The following PHACTR4 variants were observed in gnomAD, a reference collection of about 807,000 sequenced individuals.
PHACTR4 encodes protein phosphatase 1, regulatory subunit 124.
Under a neutral mutation model 72.7 loss-of-function variants are expected in PHACTR4, and 51 were observed. The observed-to-expected ratio is 0.70, with a 90% CI of 0.56 to 0.89. The LOEUF is 0.89. Ranked by LOEUF, PHACTR4 falls within the 40% of genes least tolerant of loss-of-function variation. The probability of loss-of-function intolerance (pLI) is 0.00; values close to 1 mark genes in which losing one functional copy is unlikely to be tolerated. For synonymous variants in PHACTR4, 255 were observed against 302.5 expected (o/e 0.84, Z 1.63); for missense variants, 731 against 861.8 (o/e 0.85, Z 1.90).
At chr1:28,496,363 G>GT (rs1186714182) in intron 13 of PHACTR4, among the ~76,000 whole-genome samples, 171 bp from the exon 14 acceptor site, 1 of 152,006 alleles carries the variant, frequency 6.6e-6, no homozygotes, top group Non-Finnish European at 1.5e-5. Flanking sequence ...GCCGAGAAGA[G>GT]TTTTAAGAAG....
chr1:28,370,094 C>T (rs1454842797), intron 1 of PHACTR4, among the ~76,000 whole-genome samples: 2 of 151,964 alleles, frequency 1.3e-5, no homozygotes, highest in Non-Finnish European at 2.9e-5. Context: ...CTTGGCTGGG[C>T]CCTTTTGTCT....
In PHACTR4 at chr1:28,474,105, C is replaced by A. The variant is rs1229332291; in HGVS notation, c.1375C>A (p.Leu459Met). Residue 459 changes from leucine to methionine, a missense_variant, in exon 7 of 14, where the codon CTG (leucine) becomes ATG (methionine). Transcript: ENST00000373839. Reference protein sequence around the residue: ...SDSFSEDSSTLGRTRSLPITI... With the variant: ...SDSFSEDSSTMGRTRSLPITI... ...CAGCTTTTCTGAGGACAGCAGTACGCTGGGTCGGACCAGGTCTCTTCCCAT... is the reference window on the plus strand; with the variant it reads ...CAGCTTTTCTGAGGACAGCAGTACGATGGGTCGGACCAGGTCTCTTCCCAT... The A allele has an allele frequency of 1.2e-6, 2 of 1,614,116 alleles. No individual in the cohort carries two copies. The highest frequency in any genetic ancestry group is 1.7e-6 in the Non-Finnish European group (2 of 1,179,978).
intron 2 of PHACTR4, among the ~76,000 whole-genome samples, chr1:28,421,283 C>T (rs1655491575): frequency 6.6e-6 from 1 of 152,120 alleles, no homozygotes; most frequent in South Asian, 2.1e-4. Flanking sequence ...TACACACTCA[C>T]ATGTTATAAT....
chr1:28,411,120 C>T (rs1654759324), intron 2 of PHACTR4, among the ~76,000 whole-genome samples: 1 of 148,344 alleles, frequency 6.7e-6, no homozygotes, highest in East Asian at 2.0e-4. Flanking sequence ...GATCTCGGCT[C>T]ACTGCAACCT....
chr1:28,460,465 T>C (rs1378732587), intron 4 of PHACTR4, among the ~76,000 whole-genome samples, 173 bp downstream of exon 4: 1 of 152,128 alleles, frequency 6.6e-6, no homozygotes, highest in Non-Finnish European at 1.5e-5. Flanking sequence ...ATTCCTTTCC[T>C]CTGTGTACAT....
At chr1:28,392,518 T>G (rs906622393) in intron 1 of PHACTR4, among the ~76,000 whole-genome samples, 2 of 151,694 alleles carry the variant, frequency 1.3e-5, no homozygotes, top group Non-Finnish European at 2.9e-5. Flanking sequence ...TCCTTGCACC[T>G]CAGCCTCCAG....
At chr1:28,468,639 A>G (rs1421766537) in intron 6 of PHACTR4, among the ~76,000 whole-genome samples, 1 of 152,192 alleles carries the variant, frequency 6.6e-6, no homozygotes, top group Admixed American at 6.6e-5. Context: ...GAAACTGAAC[A>G]TAGGCTTTTC....
At chr1:28,438,118 C>G (rs528869689) in intron 2 of PHACTR4, 106 of 1,112,328 alleles carry the variant, frequency 9.5e-5, no homozygotes, top group Admixed American at 1.5e-4. Context: ...TGCACTTCAG[C>G]TCTACACAGT....
At chr1:28,373,835 C>CT (rs747905490) in intron 1 of PHACTR4, among the ~76,000 whole-genome samples, 1 of 152,176 alleles carries the variant, frequency 6.6e-6, no homozygotes, top group Non-Finnish European at 1.5e-5. Flanking sequence ...AGCCTAGCCT[C>CT]TAAAATGTTG....
At chr1:28,491,863 A>G in intron 12 of PHACTR4, 76 bp downstream of exon 12, 4 of 1,490,602 alleles carry the variant, frequency 2.7e-6, no homozygotes, top group South Asian at 1.3e-5. Flanking sequence ...GATACTAACT[A>G]GAAGGGAGAA....
Position 28,476,147 on chromosome 1 carries a change from A to G in PHACTR4, c.1462A>G (p.Thr488Ala), listed in dbSNP as rs200884078. 5.3e-5 allele frequency: 86 copies of G among 1,613,492 alleles called. No homozygotes were observed. The highest frequency in any genetic ancestry group is 2.1e-5 in the Non-Finnish European group (25 of 1,179,876). ...EEEEEQTCPS[T>A]FSEEMTPTSV... ...AGAAGAGGAGCAAACCTGTCCATCC[A>G]CATTCAGTGAAGAAATGACACCTAC... The change falls in exon 8 of 14, where the codon ACA becomes GCA. Residue 488 changes from threonine (T) to alanine (A), a missense_variant. Thr to Ala is a moderately conservative substitution (Grantham distance 58). Transcript: ENST00000373839.
chr1:28,419,872 C>CT (rs1655398220), intron 2 of PHACTR4, among the ~76,000 whole-genome samples: 1 of 152,180 alleles, frequency 6.6e-6, no homozygotes, highest in Non-Finnish European at 1.5e-5. Flanking sequence ...CTTTGACCAC[C>CT]TTTGTCTAGT....
chr1:28,435,020 C>A (rs1214591288), intron 2 of PHACTR4, among the ~76,000 whole-genome samples: 1 of 152,084 alleles, frequency 6.6e-6, no homozygotes, highest in South Asian at 2.1e-4. Context: ...TTTGAACTTA[C>A]CCAAATATTC....
chr1:28,439,425 G>C (rs535884525), intron 2 of PHACTR4, among the ~76,000 whole-genome samples: 4 of 152,156 alleles, frequency 2.6e-5, no homozygotes, highest in African/African-American at 9.6e-5. Flanking sequence ...ATTTTCACCT[G>C]AGAGCTTCCT....
At chr1:28,419,176 G>T (rs1319122904) in intron 2 of PHACTR4, among the ~76,000 whole-genome samples, 1 of 150,590 alleles carries the variant, frequency 6.6e-6, no homozygotes, top group Non-Finnish European at 1.5e-5. Context: ...TAGAGACAGG[G>T]TTTCACCATG....
chr1:28,387,259 CAAAAAA>C (rs11431699), intron 1 of PHACTR4, among the ~76,000 whole-genome samples: 1 of 96,506 alleles, frequency 1.0e-5, no homozygotes, highest in Admixed American at 1.2e-4. Flanking sequence ...GACCCTGTCT[CAAAAAA>C]AAAAAAAAAA....
chr1:28,371,130 G>A (rs1254604275), intron 1 of PHACTR4, among the ~76,000 whole-genome samples: 1 of 152,138 alleles, frequency 6.6e-6, no homozygotes, highest in Non-Finnish European at 1.5e-5. Context: ...TTTCATTTAA[G>A]AGACAAGAGT....
Position 28,460,391 on chromosome 1 carries a change from C to T in PHACTR4, c.271+99C>T, listed in dbSNP as rs74064850. 662 of 879,972 alleles carry T rather than the reference C, an allele frequency of 7.5e-4. 4 individuals carry two copies. The African/African-American group carries it at 0.01, about 14-fold the overall frequency. 54.5% of individuals were successfully genotyped at this position (879,972 alleles called of 1,614,324 possible). A position where few individuals can be genotyped will look rare whatever the true frequency, so the allele number is the denominator to read the frequency against. The stretch of plus-strand genomic sequence containing the variant: ...AATTTTCTTTCTTTCTTTTATATTG[C>T]TATTTTTGGGTTGGAGGGTGGCCTT... On this transcript the variant is annotated intron_variant, in intron 4 of 13. Coordinates refer to ENST00000373839, the MANE Select transcript of PHACTR4 (RefSeq NM_001048183.3).
At chr1:28,405,192 A>G (rs998512094) in intron 1 of PHACTR4, among the ~76,000 whole-genome samples, 7 of 151,952 alleles carry the variant, frequency 4.6e-5, no homozygotes, top group African/African-American at 1.7e-4. Flanking sequence ...TCTTTTTGTT[A>G]TTGAGTTATT....
Sources: gnomAD v4.1 joint callset for allele counts (sites outside exome capture counted in the v4.1 genomes callset) on GRCh38, gnomAD v4.1.1 for gene constraint, MANE v1.5 for transcripts, NCBI Gene and HGNC (gene_info 2026-07-23, HGNC 2026-07-21) for gene names.